EMCN: variants seen among roughly 807,000 people sequenced by gnomAD.
EMCN encodes MUC-14.
In EMCN, 37 loss-of-function variants were observed where a neutral mutation model predicts 38.4. The ratio of observed to expected loss-of-function variants is 0.96; its 90% CI spans 0.74 to 1.27. EMCN has a LOEUF of 1.27. Ranked by LOEUF, EMCN falls within the 50% of genes most tolerant of loss-of-function variation. The pLI, the probability that EMCN is intolerant of heterozygous loss-of-function variation, is 0.00. For synonymous variants in EMCN, 95 were observed against 100.8 expected (o/e 0.94, Z 0.35); for missense variants, 318 against 302.8 (o/e 1.05, Z -0.37).
chr4:100,504,144 A>G (rs1012335121), intron 1 of EMCN, among the ~76,000 whole-genome samples: 1 of 152,218 alleles, frequency 6.6e-6, no homozygotes, highest in African/African-American at 2.4e-5. Flanking sequence ...TCTGAATCCC[A>G]TTCCCACCTC....
chr4:100,419,764 A>C (rs1457091798), intron 8 of EMCN, among the ~76,000 whole-genome samples: 1 of 152,116 alleles, frequency 6.6e-6, no homozygotes, highest in Admixed American at 6.6e-5. Flanking sequence ...TTCAGACATT[A>C]AGAAGTTTAT....
chr4:100,458,415 T>C (rs1012743948), intron 4 of EMCN, among the ~76,000 whole-genome samples: 1 of 152,144 alleles, frequency 6.6e-6, no homozygotes, highest in Non-Finnish European at 1.5e-5. Context: ...AAAATCTAAA[T>C]TGATAAATGA....
chr4:100,426,944 T>G (rs900173876), intron 5 of EMCN, among the ~76,000 whole-genome samples: 1 of 152,118 alleles, frequency 6.6e-6, no homozygotes, highest in Non-Finnish European at 1.5e-5. Context: ...GTTTACAAAA[T>G]CCCTGAAATT....
chr4:100,404,019 T>A (rs1398423227), intron 11 of EMCN, among the ~76,000 whole-genome samples: 1 of 152,164 alleles, frequency 6.6e-6, no homozygotes, highest in East Asian at 1.9e-4. Flanking sequence ...ATTTTGTAAG[T>A]CGTCTGTTTA....
chr4:100,422,822 C>CTTTTTTTTTTTTTTTT (rs71878999), intron 7 of EMCN, among the ~76,000 whole-genome samples, 199 bp downstream of exon 7: 2 of 122,652 alleles, frequency 1.6e-5, no homozygotes, highest in Non-Finnish European at 3.7e-5. Context: ...TCTTTCTTTT[C>CTTTTTTTTTTTTTTTT]TTTTTTTTTT....
At chr4:100,417,607 A>G (rs1212627270) in intron 8 of EMCN, among the ~76,000 whole-genome samples, 2 of 152,164 alleles carry the variant, frequency 1.3e-5, no homozygotes, top group Admixed American at 1.3e-4. Flanking sequence ...TGTAGATACT[A>G]TATCTAATTG....
intron 5 of EMCN, among the ~76,000 whole-genome samples, chr4:100,445,611 T>A (rs1727647523): frequency 6.6e-6 from 1 of 152,196 alleles, no homozygotes; most frequent in African/African-American, 2.4e-5. Flanking sequence ...ATATGAATTA[T>A]TTTTAATAAT....
intron 11 of EMCN, among the ~76,000 whole-genome samples, chr4:100,402,296 T>C (rs1466032858): frequency 2.0e-5 from 3 of 152,206 alleles, no homozygotes; most frequent in Admixed American, 2.0e-4. Context: ...TAAATATATC[T>C]AAAATCTTGT....
At chr4:100,472,285 T>C (rs530316845) in intron 3 of EMCN, among the ~76,000 whole-genome samples, 47 of 151,954 alleles carry the variant, frequency 3.1e-4, no homozygotes, top group African/African-American at 1.1e-3. Flanking sequence ...AATACTAACA[T>C]ATAAAAATAA....
chr4:100,410,378 G>A, intron 10 of EMCN, 23 bp from the exon 11 acceptor site: 2 of 1,611,244 alleles, frequency 1.2e-6, no homozygotes, highest in Non-Finnish European at 1.7e-6. Context: ...GATATGTTTT[G>A]ATCTGTAAGC....
chr4:100,475,189 T>C, intron 2 of EMCN, 80 bp from the exon 3 acceptor site: 1 of 696,974 alleles, frequency 1.4e-6, no homozygotes. Flanking sequence ...GTTAAATCTA[T>C]AGGTGGACTG....
At chr4:100,451,338 T>A (rs1363969601) in intron 4 of EMCN, among the ~76,000 whole-genome samples, 1 of 151,686 alleles carries the variant, frequency 6.6e-6, no homozygotes, top group Non-Finnish European at 1.5e-5. Context: ...CTAGTAGAGG[T>A]CCTTGATGAA....
At chr4:100,505,239 G>A (rs760142062) in intron 1 of EMCN, among the ~76,000 whole-genome samples, 6 of 152,100 alleles carry the variant, frequency 3.9e-5, no homozygotes, top group East Asian at 1.9e-4. Flanking sequence ...AGTGGTCCCC[G>A]GGCCCAGCTG....
intron 5 of EMCN, among the ~76,000 whole-genome samples, chr4:100,427,506 C>T (rs976279013): frequency 1.4e-5 from 2 of 147,284 alleles, no homozygotes; most frequent in African/African-American, 2.5e-5. Flanking sequence ...AGGCTTGTCT[C>T]GAACTCCTGA....
rs746897948 is a variant in EMCN at position 100,410,373 on chromosome 4, G to T, written c.752-18C>A. 1 of 1,612,150 alleles carries T rather than the reference G, an allele frequency of 6.2e-7. No homozygotes were observed. The highest frequency in any genetic ancestry group is 1.3e-5 in the African/African-American group (1 of 74,972). ...GTGCTCACCTGAGAACAGAAGATAT[G>T]TTTTGATCTGTAAGCTCAGAGACTG... On this transcript the variant is annotated intron_variant, in intron 10 of 11. Transcript: ENST00000296420.
intron 1 of EMCN, among the ~76,000 whole-genome samples, chr4:100,496,169 T>C (rs1729200894): frequency 6.6e-6 from 1 of 152,158 alleles, no homozygotes; most frequent in Admixed American, 6.5e-5. Flanking sequence ...TCTGGGAATA[T>C]TGCCCATGTT....
chr4:100,417,501 A>G (rs1726768222), intron 8 of EMCN, among the ~76,000 whole-genome samples: 1 of 152,168 alleles, frequency 6.6e-6, no homozygotes, highest in South Asian at 2.1e-4. Flanking sequence ...TATTAAAAGT[A>G]TTGAAGGTTT....
rs116760553 is a variant in EMCN at position 100,412,274 on chromosome 4, G to A, written c.752-1919C>T. On this transcript the variant is annotated intron_variant, in intron 10 of 11. Transcript: ENST00000296420. ...TAGAGAAGGCAGGCACATCATGGAC[G>A]GTGTTGCAGACATGCTAAGGTGTTT... Among the ~76,000 whole-genome samples, 564 of 152,166 alleles carry A rather than the reference G, an allele frequency of 3.7e-3. 7 individuals are homozygous for A. The highest frequency in any genetic ancestry group is 0.013 in the African/African-American group (525 of 41,540).
In EMCN at chr4:100,479,933, A is replaced by G. The variant is rs953055678; in HGVS notation, c.171T>C (p.Thr57=). ...TAATCCTACCTTTAGGAGTTGTTCCAGTTGTTGGTGTGACAACATTTTTCT... is the reference window on the plus strand; with the variant it reads ...TAATCCTACCTTTAGGAGTTGTTCCGGTTGTTGGTGTGACAACATTTTTCT... The part of the protein sequence containing the change: ...SLQKNVVTPT[T]GTTPKGTITN... Residue 57 remains threonine, a synonymous_variant, in exon 2 of 12, where the codon ACT becomes ACC. Transcript: ENST00000296420. 6.2e-7 allele frequency: 1 copy of G among 1,608,448 alleles called. No homozygotes were observed. Among genetic ancestry groups the G allele is most frequent in the South Asian group, 1.1e-5 (1 of 89,956 alleles).
Sources: allele counts gnomAD v4.1 joint callset (sites outside exome capture counted in the v4.1 genomes callset), GRCh38; gene constraint gnomAD v4.1.1; transcripts MANE v1.5; gene names NCBI Gene and HGNC (gene_info 2026-07-23, HGNC 2026-07-21).